Variants in TBC1D23 observed in about 807,000 individuals in gnomAD.
TBC1D23 encodes TBC1 domain family member 23, also known as HCV non-structural protein 4A-transactivated protein 1.
A neutral mutation model predicts 91.4 loss-of-function variants in TBC1D23; 55 were observed. The ratio of observed to expected loss-of-function variants is 0.60; its 90% CI spans 0.48 to 0.75. TBC1D23 has a LOEUF of 0.75. Ranked by LOEUF, TBC1D23 falls within the 30% of genes least tolerant of loss-of-function variation. TBC1D23 has a pLI of 0.00. For synonymous variants in TBC1D23, 289 were observed against 281.0 expected, an observed-to-expected ratio of 1.03 and a Z score of -0.28; for missense variants, 725 against 836.1, an observed-to-expected ratio of 0.87 and a Z score of 1.64.
rs1705919937 is a variant in TBC1D23, at chr3:100,324,554, TAATC to T, written c.*888_*891del. 1 of 152,220 alleles carries T rather than the reference TAATC, an allele frequency of 6.6e-6. No homozygotes were observed. Among genetic ancestry groups the T allele is most frequent in the Non-Finnish European group, 1.5e-5 (1 of 68,030 alleles). The allele number at this position is 152,220 out of a possible 1,614,324, so 9.4% of individuals were successfully genotyped here. A position where few individuals can be genotyped will look rare whatever the true frequency, so the allele number is the denominator to read the frequency against. On this transcript the variant is annotated 3_prime_UTR_variant, in exon 19 of 19. Transcript: ENST00000394144. The stretch of plus-strand genomic sequence containing the variant: ...AATATCCACTTATATAAATGCCAAA[TAATC>T]AGAGAGCTTATAAAGTACAATTGTT...
chr3:100,320,256 T>C (rs1416836064), intron 17 of TBC1D23, among the ~76,000 whole-genome samples: 1 of 152,040 alleles, frequency 6.6e-6, no homozygotes, highest in African/African-American at 2.4e-5. Flanking sequence ...AATGTGAGAG[T>C]ATTATATTAA....
intron 13 of TBC1D23, among the ~76,000 whole-genome samples, chr3:100,306,882 G>A (rs1705526504): frequency 6.6e-6 from 1 of 152,176 alleles, no homozygotes; most frequent in South Asian, 2.1e-4. Flanking sequence ...TCTGGGTCCT[G>A]TAAATAGCTG....
In TBC1D23 at chr3:100,277,772, G is replaced by T. The variant is rs1357760301; in HGVS notation, c.54-1877G>T. Among the ~76,000 whole-genome samples, 3 of 152,090 alleles carry T rather than the reference G, an allele frequency of 2.0e-5. No individual in the cohort carries two copies. In the East Asian group the frequency reaches 5.8e-4, roughly 29 times the overall value. ...TGCCATTAAATTTTCTTTGTTTCAT[G>T]GTTACTAACAGCCTGCCTTGTACAT... On this transcript the variant is annotated intron_variant, in intron 1 of 18. Coordinates refer to ENST00000394144, the MANE Select transcript of TBC1D23 (RefSeq NM_001199198.3).
At chr3:100,301,820 C>T (rs1705438682) in intron 10 of TBC1D23, 1 of 382,766 alleles carries the variant, frequency 2.6e-6, no homozygotes, top group Non-Finnish European at 4.6e-6. Context: ...CAGTTTTTCT[C>T]TAGTAGAGAA....
chr3:100,279,868 A>C (rs1329383943), intron 2 of TBC1D23, 108 bp downstream of exon 2: 8 of 604,234 alleles, frequency 1.3e-5, no homozygotes, highest in Non-Finnish European at 2.1e-5. Flanking sequence ...CCTTATGAGC[A>C]TGCCGCATCT....
chr3:100,281,992 T>C, intron 3 of TBC1D23, 145 bp downstream of exon 3: 3 of 521,100 alleles, frequency 5.8e-6, no homozygotes, highest in Admixed American at 7.3e-5. Context: ...GAAATTCTTA[T>C]GAAATATTGT....
intron 15 of TBC1D23, among the ~76,000 whole-genome samples, chr3:100,312,111 C>G (rs1705635108): frequency 1.3e-5 from 2 of 152,062 alleles, no homozygotes; most frequent in South Asian, 2.1e-4. Context: ...ATCACCCATT[C>G]CACAGATGAA....
At chr3:100,288,613 A>G (rs1474893776) in intron 4 of TBC1D23, among the ~76,000 whole-genome samples, 2 of 152,232 alleles carry the variant, frequency 1.3e-5, no homozygotes, top group African/African-American at 2.4e-5. Context: ...ATTGTCTGGC[A>G]CATGGTATTT....
intron 11 of TBC1D23, among the ~76,000 whole-genome samples, chr3:100,302,930 CT>C (rs1425750357): frequency 1.3e-5 from 2 of 152,136 alleles, no homozygotes; most frequent in African/African-American, 2.4e-5. Flanking sequence ...TGTCCTAGTA[CT>C]TTTTACAGTA....
chr3:100,281,092 G>A (rs1224964329), intron 2 of TBC1D23, among the ~76,000 whole-genome samples: 6 of 152,034 alleles, frequency 3.9e-5, no homozygotes, highest in South Asian at 2.1e-4. Context: ...CCCGGGAGGC[G>A]GAGAGGTTGC....
chr3:100,317,226 G>C (rs1232835948), intron 16 of TBC1D23, among the ~76,000 whole-genome samples: 1 of 152,084 alleles, frequency 6.6e-6, no homozygotes, highest in African/African-American at 2.4e-5. Context: ...TGTGTACTGA[G>C]TTAGGGAAAA....
At chr3:100,295,919 A>G (rs1260868502) in intron 7 of TBC1D23, among the ~76,000 whole-genome samples, 1 of 152,194 alleles carries the variant, frequency 6.6e-6, no homozygotes, top group Non-Finnish European at 1.5e-5. Context: ...ATGTTTAATA[A>G]ATAAATCATA....
chr3:100,285,525 G>A (rs950708673), intron 4 of TBC1D23, among the ~76,000 whole-genome samples: 3 of 152,102 alleles, frequency 2.0e-5, no homozygotes, highest in Non-Finnish European at 4.4e-5. Context: ...ACTATTATGA[G>A]TATGAAGCTG....
At chr3:100,271,084 A>T (rs1395677439) in intron 1 of TBC1D23, among the ~76,000 whole-genome samples, 1 of 151,948 alleles carries the variant, frequency 6.6e-6, no homozygotes, top group Non-Finnish European at 1.5e-5. Flanking sequence ...AATTTAAAAC[A>T]TTTTTTTTCC....
At chr3:100,320,743 ATTCTTT>A (rs779673025) in intron 17 of TBC1D23, 28 bp from the exon 18 acceptor site, 36 of 1,353,264 alleles carry the variant, frequency 2.7e-5, no homozygotes, top group South Asian at 8.9e-5. Context: ...TTACTTAAAA[ATTCTTT>A]TTCTTTTAAT....
Position 100,263,908 on chromosome 3 carries a change from G to A in TBC1D23, c.53+2837G>A, listed in dbSNP as rs143269399. On this transcript the variant is annotated intron_variant, in intron 1 of 18. Transcript: ENST00000394144. ...TAGAGACAGCATTTTTTCTCTTGTA[G>A]GATTGATGTATCTTTGGTGTGTCTT... Among the ~76,000 whole-genome samples the A allele has an allele frequency of 4.7e-4, 71 of 152,280 alleles. 1 individual carries two copies. Among genetic ancestry groups the A allele is most frequent in the African/African-American group, 1.5e-3 (64 of 41,556 alleles).
intron 11 of TBC1D23, among the ~76,000 whole-genome samples, chr3:100,304,583 T>C (rs1279990650): frequency 2.0e-5 from 3 of 152,166 alleles, no homozygotes; most frequent in Non-Finnish European, 4.4e-5. Context: ...ATTGCACTAT[T>C]GAAACAATAA....
chr3:100,279,101 A>C (rs1204430410), intron 1 of TBC1D23, among the ~76,000 whole-genome samples: 1 of 152,214 alleles, frequency 6.6e-6, no homozygotes, highest in Non-Finnish European at 1.5e-5. Flanking sequence ...ATAATATGAC[A>C]TGTGACCCTA....
intron 1 of TBC1D23, among the ~76,000 whole-genome samples, chr3:100,266,239 T>C (rs2067556526): frequency 6.6e-6 from 1 of 152,188 alleles, no homozygotes; most frequent in Non-Finnish European, 1.5e-5. Flanking sequence ...TTAAAGTCTT[T>C]AATTATAATT....
Sources: allele counts gnomAD v4.1 joint callset (sites outside exome capture counted in the v4.1 genomes callset), GRCh38; gene constraint gnomAD v4.1.1; transcripts MANE v1.5; gene names NCBI Gene and HGNC (gene_info 2026-07-23, HGNC 2026-07-21).